TENM3: variants seen among roughly 807,000 people sequenced by gnomAD.
TENM3 encodes the protein teneurin transmembrane protein 3, also known as teneurin-3.
In TENM3, 63 loss-of-function variants were observed where a neutral mutation model predicts 255.1. The observed-to-expected ratio is 0.25, with a 90% CI of 0.20 to 0.30. The LOEUF (loss-of-function observed/expected upper bound fraction) is 0.30, where lower values mean the gene tolerates loss of function less well. TENM3 is among the 10% of genes least tolerant of loss of function. TENM3 has a pLI of 1.00. For synonymous variants in TENM3, 1,306 were observed against 1,322.3 expected, an observed-to-expected ratio of 0.99 and a Z score of 0.27; for missense variants, 2,929 against 3,461.1, an observed-to-expected ratio of 0.85 and a Z score of 3.86.
At chr4:181,987,562 A>G in the TENM3 span, among the ~76,000 whole-genome samples, 4 of 151,852 alleles carry the variant, frequency 2.6e-5, no homozygotes, top group Admixed American at 2.6e-4. Flanking sequence ...CTAGAAACCC[A>G]CTCTCTCAAT....
intron 12 of TENM3, chr4:182,707,821 G>C (rs189560867): frequency 6.6e-6 from 1 of 152,094 alleles, no homozygotes; most frequent in African/African-American, 2.4e-5. Flanking sequence ...TTAAGGCCAA[G>C]AATTAGCCTT....
the TENM3 span, among the ~76,000 whole-genome samples, chr4:182,037,363 G>C: frequency 1.3e-5 from 2 of 152,108 alleles, no homozygotes; most frequent in Non-Finnish European, 2.9e-5. Flanking sequence ...GGCCGGGCTG[G>C]TCTCAAACCC....
chr4:181,502,974 C>T, the TENM3 span, among the ~76,000 whole-genome samples: 6 of 152,170 alleles, frequency 3.9e-5, no homozygotes, highest in Non-Finnish European at 8.8e-5. Context: ...GCAGACCACT[C>T]GCTGGCCGTG....
the TENM3 span, among the ~76,000 whole-genome samples, chr4:181,830,669 G>T: frequency 6.6e-6 from 1 of 152,078 alleles, no homozygotes; most frequent in Non-Finnish European, 1.5e-5. Flanking sequence ...CAAAGATTGG[G>T]TTATATTATG....
intron 3 of TENM3, among the ~76,000 whole-genome samples, chr4:182,407,160 A>G (rs1450346084): frequency 6.8e-6 from 1 of 147,102 alleles, no homozygotes; most frequent in Non-Finnish European, 1.5e-5. Context: ...ATCTCAGTTC[A>G]GTTCTGGTGG....
At chr4:182,445,045 G>T (rs1772804529) in intron 3 of TENM3, among the ~76,000 whole-genome samples, 1 of 152,112 alleles carries the variant, frequency 6.6e-6, no homozygotes, top group African/African-American at 2.4e-5. Flanking sequence ...CTGACCTCAG[G>T]TGATCCACCC....
chr4:182,697,431 TCTC>T (rs1349524860), intron 12 of TENM3, among the ~76,000 whole-genome samples: 2 of 152,176 alleles, frequency 1.3e-5, no homozygotes, highest in Non-Finnish European at 2.9e-5. Flanking sequence ...TAGGGGAAAT[TCTC>T]CTAAATTGAC....
chr4:182,460,196 C>T (rs1344880111), intron 3 of TENM3, among the ~76,000 whole-genome samples: 1 of 151,980 alleles, frequency 6.6e-6, no homozygotes, highest in Non-Finnish European at 1.5e-5. Flanking sequence ...GACCCTAGGA[C>T]AGAGGACGTA....
chr4:181,812,922 G>C, the TENM3 span, among the ~76,000 whole-genome samples: 451 of 152,272 alleles, frequency 3.0e-3, 3 homozygotes, highest in African/African-American at 0.01. Context: ...ACCTGAGTTG[G>C]GGGGAATAGC....
At chr4:182,211,598 C>A (rs1755045052) in intron 1 of TENM3, among the ~76,000 whole-genome samples, 1 of 152,142 alleles carries the variant, frequency 6.6e-6, no homozygotes, top group South Asian at 2.1e-4. Flanking sequence ...TCTATCACCA[C>A]CTATAAAAAA....
Position 182,799,774 on chromosome 4 carries a change from G to T in TENM3, c.7523G>T (p.Arg2508Leu), listed in dbSNP as rs1328986770. 1 of 1,588,690 alleles carries T rather than the reference G, an allele frequency of 6.3e-7. No individual in the cohort carries two copies. Among genetic ancestry groups the T allele is most frequent in the Admixed American group, 1.8e-5 (1 of 56,516 alleles). ...KGVMLAVSQG[R>L]VQTNVLNIAN... Reference sequence around the variant, plus strand: ...GTCATGCTGGCCGTCAGCCAGGGCCGCGTGCAGACCAACGTGCTCAACATC... The same window carrying T: ...GTCATGCTGGCCGTCAGCCAGGGCCTCGTGCAGACCAACGTGCTCAACATC... The change falls in exon 28 of 28, where the codon CGC (arginine) becomes CTC (leucine). Residue 2508 changes from arginine to leucine, a missense_variant. Physicochemically the swap from Arg to Leu is moderately radical, Grantham distance 102. Transcript: ENST00000511685. This position sits in a 1 kb window ranked among gnomAD's most constrained non-coding sequence, Gnocchi z 4.2.
chr4:181,665,008 C>A, the TENM3 span, among the ~76,000 whole-genome samples: 2 of 152,042 alleles, frequency 1.3e-5, no homozygotes, highest in Non-Finnish European at 2.9e-5. Context: ...CCTTTCATAC[C>A]CAAGTCAACT....
intron 3 of TENM3, among the ~76,000 whole-genome samples, chr4:182,563,796 A>C (rs2151982910): frequency 6.6e-6 from 1 of 152,326 alleles, no homozygotes; most frequent in East Asian, 1.9e-4. Flanking sequence ...GCTGTTACAA[A>C]TATCCTAATA....
At chr4:182,110,004 C>A in the TENM3 span, among the ~76,000 whole-genome samples, 1 of 150,880 alleles carries the variant, frequency 6.6e-6, no homozygotes, top group African/African-American at 2.4e-5. Context: ...TGAAATTTTA[C>A]GTGGGAGGCT....
intron 1 of TENM3, among the ~76,000 whole-genome samples, chr4:182,266,761 G>C (rs180834345): frequency 7.9e-5 from 12 of 152,034 alleles, no homozygotes; most frequent in Admixed American, 1.3e-4. Context: ...CATATGTTCC[G>C]AAGTTATGGG....
At chr4:182,714,003 C>G in intron 12 of TENM3, 84 bp from the exon 13 acceptor site, 1 of 1,128,192 alleles carries the variant, frequency 8.9e-7, no homozygotes, top group South Asian at 1.4e-5. Flanking sequence ...AGGCCTGTTC[C>G]CACTAAGTGT....
the TENM3 span, among the ~76,000 whole-genome samples, chr4:181,621,776 C>T: frequency 6.6e-6 from 1 of 152,184 alleles, no homozygotes; most frequent in Non-Finnish European, 1.5e-5. Flanking sequence ...TGAACTCCCA[C>T]TACCTGAGCA....
At chr4:181,815,191 C>T in the TENM3 span, among the ~76,000 whole-genome samples, 17 of 151,956 alleles carry the variant, frequency 1.1e-4, no homozygotes, top group Admixed American at 9.2e-4. Context: ...GTGGCTCACA[C>T]CTGTAATCCC....
intron 4 of TENM3, among the ~76,000 whole-genome samples, chr4:182,619,563 A>G (rs1749896828): frequency 1.3e-5 from 2 of 152,232 alleles, no homozygotes; most frequent in African/African-American, 2.4e-5. Flanking sequence ...TGCTTAACGT[A>G]GAGTCATCCT....
Sources: gnomAD v4.1 joint callset for allele counts (sites outside exome capture counted in the v4.1 genomes callset) on GRCh38, gnomAD v4.1.1 for gene constraint, Gnocchi (gnomAD v3.1) non-coding constraint, MANE v1.5 for transcripts, NCBI Gene and HGNC (gene_info 2026-07-23, HGNC 2026-07-21) for gene names.